The following NFATC2 variants were observed in gnomAD, a reference collection of about 807,000 sequenced individuals.
NFATC2 encodes the protein nuclear factor of activated T-cells, cytoplasmic 2.
Under a neutral mutation model 87.3 loss-of-function variants are expected in NFATC2, and 22 were observed. The observed-to-expected ratio is 0.25, with a 90% CI of 0.18 to 0.36. NFATC2 has a LOEUF of 0.36. Ranked by LOEUF, NFATC2 falls within the 10% of genes least tolerant of loss-of-function variation. The pLI, the probability that NFATC2 is intolerant of heterozygous loss-of-function variation, is 1.00. For missense variants in NFATC2, 1,149 were observed against 1,259.1 expected, an observed-to-expected ratio of 0.91 and a Z score of 1.32; for synonymous variants, 565 against 542.2, an observed-to-expected ratio of 1.04 and a Z score of -0.58.
intron 9 of NFATC2, among the ~76,000 whole-genome samples, chr20:51,414,196 G>A (rs78295530): frequency 9.3e-6 from 1 of 107,302 alleles, no homozygotes; most frequent in Non-Finnish European, 2.1e-5. Flanking sequence ...CCCAGGGGCA[G>A]TCAGCAGTGC....
At chr20:51,428,575 G>A (rs551788793) in intron 9 of NFATC2, among the ~76,000 whole-genome samples, 64 of 152,342 alleles carry the variant, frequency 4.2e-4, no homozygotes, top group African/African-American at 1.5e-3. Context: ...CCATGAGGGA[G>A]CGGGGTGGAA....
intron 6 of NFATC2, among the ~76,000 whole-genome samples, chr20:51,446,371 TCTC>T (rs915266227): frequency 6.0e-4 from 92 of 152,262 alleles, no homozygotes; most frequent in African/African-American, 2.1e-3. Flanking sequence ...AGTTCCTTGA[TCTC>T]CTTCTATTGC....
intron 5 of NFATC2, among the ~76,000 whole-genome samples, chr20:51,455,729 TGG>T: frequency 1.9e-4 from 1 of 5,192 alleles, no homozygotes; most frequent in African/African-American, 9.2e-4. Context: ...GGTGGGTGGA[TGG>T]GTGGGTGGGT....
intron 9 of NFATC2, among the ~76,000 whole-genome samples, chr20:51,403,555 C>T (rs1002397739): frequency 1.3e-5 from 2 of 152,156 alleles, no homozygotes; most frequent in African/African-American, 4.8e-5. Flanking sequence ...ATATTGAAGC[C>T]CTAAACCACT....
chr20:51,488,954 C>A (rs1467938591), intron 3 of NFATC2, among the ~76,000 whole-genome samples: 1 of 152,232 alleles, frequency 6.6e-6, no homozygotes, highest in East Asian at 1.9e-4. Context: ...TTTGGGAGGC[C>A]AAGGCAGGCG....
At chr20:51,437,768 A>G (rs2146360752) in intron 6 of NFATC2, among the ~76,000 whole-genome samples, 1 of 152,328 alleles carries the variant, frequency 6.6e-6, no homozygotes, top group Non-Finnish European at 1.5e-5. Context: ...CAGTTTGTTT[A>G]CTGACTCTCA....
intron 1 of NFATC2, among the ~76,000 whole-genome samples, chr20:51,561,208 G>T (rs1412200996): frequency 6.6e-6 from 1 of 151,792 alleles, no homozygotes; most frequent in Non-Finnish European, 1.5e-5. Flanking sequence ...AACGTTCGAA[G>T]TCCTGGCAGG....
At chr20:51,517,160 C>T (rs1234877233) in intron 2 of NFATC2, among the ~76,000 whole-genome samples, 1 of 152,214 alleles carries the variant, frequency 6.6e-6, no homozygotes, top group Non-Finnish European at 1.5e-5. Context: ...TACATACCTA[C>T]ACTATATGGT....
intron 9 of NFATC2, among the ~76,000 whole-genome samples, chr20:51,423,844 G>A (rs1981341678): frequency 1.3e-5 from 2 of 152,282 alleles, no homozygotes; most frequent in South Asian, 4.1e-4. Flanking sequence ...CTTGTGGTTT[G>A]GTGGCTTCTG....
chr20:51,503,493 T>C (rs528562162), intron 3 of NFATC2, among the ~76,000 whole-genome samples: 1 of 152,250 alleles, frequency 6.6e-6, no homozygotes, highest in South Asian at 2.1e-4. Context: ...ACCATCTCAA[T>C]GTACCACCAT....
chr20:51,433,312 G>A (rs372969049), intron 8 of NFATC2, among the ~76,000 whole-genome samples: 3 of 152,214 alleles, frequency 2.0e-5, no homozygotes, highest in African/African-American at 7.2e-5. Flanking sequence ...CTAGACAAAG[G>A]AATCAGCAAA....
At chr20:51,457,634 C>CAGTGAGAGTCTAATCCAGCCGCCTGG (rs34060437) in intron 5 of NFATC2, among the ~76,000 whole-genome samples, 3 of 151,186 alleles carry the variant, frequency 2.0e-5, no homozygotes, top group Non-Finnish European at 4.4e-5. Context: ...AAAGAGAAAA[C>CAGTGAGAGTCTAATCCAGCCGCCTGG]ACGCCTTTAG....
chr20:51,522,935 G>T, intron 2 of NFATC2, 146 bp downstream of exon 2: 2 of 1,116,450 alleles, frequency 1.8e-6, no homozygotes, highest in South Asian at 1.5e-5. Flanking sequence ...TCCGTCTCAG[G>T]GTCTCGCAAC....
At chr20:51,541,105 G>A (rs902653480) in intron 1 of NFATC2, among the ~76,000 whole-genome samples, 3 of 152,126 alleles carry the variant, frequency 2.0e-5, no homozygotes, top group Non-Finnish European at 1.5e-5. Flanking sequence ...CAAAGCTAAA[G>A]CAAACCCCTC....
chr20:51,554,756 C>T (rs1415883242), intron 1 of NFATC2, among the ~76,000 whole-genome samples: 1 of 152,162 alleles, frequency 6.6e-6, no homozygotes, highest in South Asian at 2.1e-4. Context: ...ATACTCATTA[C>T]TGAGTCATGC....
chr20:51,436,817 G>C (rs1327806774), intron 6 of NFATC2, among the ~76,000 whole-genome samples: 1 of 152,212 alleles, frequency 6.6e-6, no homozygotes, highest in African/African-American at 2.4e-5. Flanking sequence ...CGCCAAAGCT[G>C]TTAGAGAAGC....
intron 9 of NFATC2, among the ~76,000 whole-genome samples, chr20:51,404,659 C>T (rs1210738988): frequency 1.3e-5 from 2 of 152,234 alleles, no homozygotes; most frequent in African/African-American, 4.8e-5. Context: ...CCACCCTCTT[C>T]CACCAAAGCA....
rs754226530 is a variant in NFATC2 at position 51,542,463 on chromosome 20, C to A, written c.37G>T (p.Gly13Trp). 1 of 1,569,110 alleles carries A rather than the reference C, an allele frequency of 6.4e-7. No individual in the cohort carries two copies. The highest frequency in any genetic ancestry group is 8.6e-7 in the Non-Finnish European group (1 of 1,162,136). ...APERQPQPDG[G>W]DAPGHEPGGS... ...CCAGGCTCGTGGCCTGGGGCGTCCCCGCCGTCGGGTTGGGGCTGCCGCTCG... is the reference window on the plus strand; with the variant it reads ...CCAGGCTCGTGGCCTGGGGCGTCCCAGCCGTCGGGTTGGGGCTGCCGCTCG... Residue 13 changes from glycine to tryptophan, a missense_variant, in exon 1 of 11, where the codon GGG (glycine) becomes TGG (tryptophan). By Grantham distance (184) the Gly-to-Trp change is radical. This residue lies in a region of NFATC2 where 563 missense variants were observed against 585.2 expected (regional missense o/e 0.96). Coordinates refer to ENST00000371564, the MANE Select transcript of NFATC2 (RefSeq NM_012340.5).
At position 51,432,383 on chromosome 20, in the gene NFATC2, C is replaced by T. The variant is rs368285988; in HGVS notation, c.2406G>A (p.Pro802=). 17 of 1,610,110 alleles carry T rather than the reference C, an allele frequency of 1.1e-5. No individual in the cohort carries two copies. Among genetic ancestry groups the T allele is most frequent in the Middle Eastern group, 1.7e-4 (1 of 6,060 alleles). The change falls in exon 9 of 11, where the codon CCG becomes CCA. Residue 802 remains proline, a synonymous_variant. Coordinates refer to ENST00000371564, the MANE Select transcript of NFATC2 (RefSeq NM_012340.5). The surrounding 1 kb of genome is among the most constrained non-coding windows in gnomAD (Gnocchi z 4.6). The part of the protein sequence containing the change: ...GQSSALLHPS[P]TNQQASPVIH... ...TCACAGGCGAGGCCTGCTGGTTGGT[C>T]GGAGAGGGGTGGAGCAGGGCTGAGC...
Sources: gnomAD v4.1 joint callset for allele counts (sites outside exome capture counted in the v4.1 genomes callset) on GRCh38, gnomAD v4.1.1 for gene constraint, gnomAD v4.1.1 regional missense constraint, Gnocchi (gnomAD v3.1) non-coding constraint, MANE v1.5 for transcripts, NCBI Gene and HGNC (gene_info 2026-07-23, HGNC 2026-07-21) for gene names.